THRAP3: variants seen among roughly 807,000 people sequenced by gnomAD.
THRAP3 encodes the protein thyroid hormone receptor-associated protein 3.
In THRAP3, 16 loss-of-function variants were observed where a neutral mutation model predicts 101.0. The ratio of observed to expected loss-of-function variants is 0.16; its 90% confidence interval spans 0.11 to 0.24. The LOEUF is 0.24. Among genes scored for constraint, THRAP3 ranks in the 10% least tolerant of loss-of-function variants. THRAP3 has a pLI of 1.00. For synonymous variants in THRAP3, 407 were observed against 422.6 expected, an observed-to-expected ratio of 0.96 and a Z score of 0.45; for missense variants, 989 against 1,202.7, an observed-to-expected ratio of 0.82 and a Z score of 2.63.
At chr1:36,291,998 A>T (rs1474350756) in intron 6 of THRAP3, among the ~76,000 whole-genome samples, 1 of 152,108 alleles carries the variant, frequency 6.6e-6, no homozygotes. Context: ...TGCAGGTTCC[A>T]TCTGAATATA....
chr1:36,256,736 C>T (rs1364661698), intron 1 of THRAP3, among the ~76,000 whole-genome samples: 4 of 152,178 alleles, frequency 2.6e-5, no homozygotes, highest in Non-Finnish European at 5.9e-5. Context: ...AGGCCCTGTC[C>T]ATTCAGCTGT....
Position 36,296,348 on chromosome 1 carries a change from A to G in THRAP3, c.2116-235A>G, listed in dbSNP as rs1056019450. 3.9e-5 allele frequency among the ~76,000 whole-genome samples: 6 copies of G among 152,280 alleles called. No homozygotes were observed. The South Asian group carries it at 1.0e-3, about 26-fold the overall frequency. On this transcript the variant is annotated intron_variant, in intron 8 of 11. Transcript: ENST00000354618. ...AAACAAAGTGAGATCAATGCATAGC[A>G]TTTTCAGAAGGCCAGCATCATTGTT...
At chr1:36,292,425 C>A (rs1260513236) in intron 6 of THRAP3, among the ~76,000 whole-genome samples, 173 bp from the exon 7 acceptor site, 1 of 151,476 alleles carries the variant, frequency 6.6e-6, no homozygotes, top group East Asian at 1.9e-4. Context: ...GCGCCCGCCA[C>A]CATGCCCACT....
intron 1 of THRAP3, among the ~76,000 whole-genome samples, chr1:36,251,851 C>T (rs1431880333): frequency 1.3e-5 from 2 of 152,134 alleles, no homozygotes; most frequent in Non-Finnish European, 2.9e-5. Flanking sequence ...AGATAAGGGA[C>T]CACAGATAGT....
chr1:36,281,636 G>A (rs1645732859), intron 2 of THRAP3, among the ~76,000 whole-genome samples: 1 of 145,038 alleles, frequency 6.9e-6, no homozygotes, highest in African/African-American at 2.6e-5. Context: ...TTAAACAGTT[G>A]TTTTTTTTGT....
At chr1:36,278,308 T>G (rs1011136409) in intron 2 of THRAP3, among the ~76,000 whole-genome samples, 18 of 152,060 alleles carry the variant, frequency 1.2e-4, no homozygotes, top group Non-Finnish European at 2.4e-4. Context: ...CCAGGTGATG[T>G]GCCTGCCTCG....
chr1:36,251,151 C>T (rs994486047), intron 1 of THRAP3, among the ~76,000 whole-genome samples: 6 of 152,124 alleles, frequency 3.9e-5, no homozygotes, highest in Non-Finnish European at 5.9e-5. Context: ...GATACCTGCC[C>T]TCAAGGAGTA....
intron 1 of THRAP3, among the ~76,000 whole-genome samples, chr1:36,255,025 G>A (rs1645354613): frequency 6.6e-6 from 1 of 152,092 alleles, no homozygotes; most frequent in Admixed American, 6.5e-5. Context: ...AGCAGACATT[G>A]CACAGTTTTC....
In THRAP3 at chr1:36,304,445, CCTT is replaced by C. The variant is rs1233780588; in HGVS notation, c.*429_*431del. On this transcript the variant is annotated 3_prime_UTR_variant, in exon 12 of 12. Transcript: ENST00000354618. ...CCTGTCCTGATTTTAAAAGCCCCCT[CCTT>C]TTTTTTTTTTTTTTTCTTTTTTTAG... 5 of 222,428 alleles carry C rather than the reference CCTT, an allele frequency of 2.2e-5. No homozygotes were observed. The highest frequency in any genetic ancestry group is 1.3e-3 in the Middle Eastern group (1 of 770). The allele number at this position is 222,428 out of a possible 1,614,324, so 13.8% of individuals were successfully genotyped here. A position where few individuals can be genotyped will look rare whatever the true frequency, so the allele number is the denominator to read the frequency against.
chr1:36,261,413 G>C (rs6689979), intron 2 of THRAP3, among the ~76,000 whole-genome samples: 121,423 of 152,058 alleles, frequency 0.8, 50,051 homozygotes, highest in East Asian at 0.94. Flanking sequence ...GGCGCCTGTA[G>C]TCCCAGCTAC....
upstream of THRAP3, among the ~76,000 whole-genome samples, chr1:36,220,975 ATAT>A (rs1557797706): frequency 1.1e-3 from 109 of 99,294 alleles, 2 homozygotes; most frequent in African/African-American, 3.6e-3. Context: ...AAAAAAAAAT[ATAT>A]ATATATATAT....
chr1:36,286,344 T>C lies in THRAP3; in HGVS notation c.138-24T>C. The C allele has an allele frequency of 6.5e-7, 1 of 1,540,016 alleles. No homozygotes were observed. Among genetic ancestry groups the C allele is most frequent in the Non-Finnish European group, 8.7e-7 (1 of 1,145,664 alleles). ...ATGCTTGTGTCAAAAATTCAAACAT[T>C]TGTCTCTTTCCTTTCCATTCCAGTT... On this transcript the variant is annotated intron_variant, in intron 3 of 11. Coordinates refer to ENST00000354618, the MANE Select transcript of THRAP3 (RefSeq NM_005119.4). This position sits in a 1 kb window ranked among gnomAD's most constrained non-coding sequence, Gnocchi z 5.5.
intron 3 of THRAP3, among the ~76,000 whole-genome samples, chr1:36,285,686 A>G (rs954279586): frequency 1.3e-5 from 2 of 152,240 alleles, no homozygotes; most frequent in African/African-American, 4.8e-5. Context: ...AGCCACAGAA[A>G]TATGACCTAA....
At position 36,250,707 on chromosome 1, in the gene THRAP3, T is replaced by C. The variant is rs534061002; in HGVS notation, c.-134-8675T>C. Among the ~76,000 whole-genome samples, 3 of 148,982 alleles carry C rather than the reference T, an allele frequency of 2.0e-5. No homozygotes were observed. The South Asian group carries it at 6.6e-4, about 33-fold the overall frequency. Reference sequence around the variant, plus strand: ...CGGGCGGATCACTTGAGGGCGGGAGTTCGAGACCAGCCTGGCCAACATGGC... The same window carrying C: ...CGGGCGGATCACTTGAGGGCGGGAGCTCGAGACCAGCCTGGCCAACATGGC... On this transcript the variant is annotated intron_variant, in intron 1 of 11. Coordinates refer to ENST00000354618, the MANE Select transcript of THRAP3 (RefSeq NM_005119.4).
chr1:36,278,057 C>T (rs1487286393), intron 2 of THRAP3, among the ~76,000 whole-genome samples: 1 of 109,730 alleles, frequency 9.1e-6, no homozygotes, highest in South Asian at 2.9e-4. Flanking sequence ...GTGAGCCCAG[C>T]CCCCCTTTTT....
Position 36,243,151 on chromosome 1 carries a change from CTTTTTTTTT to C in THRAP3, c.-134-16217_-134-16209del, listed in dbSNP as rs58340320. Among the ~76,000 whole-genome samples, 43 of 60,870 alleles carry C rather than the reference CTTTTTTTTT, an allele frequency of 7.1e-4. No homozygotes were observed. The East Asian group carries it at 0.016, about 23-fold the overall frequency. 39.9% of individuals were successfully genotyped at this position (60,870 alleles called of 152,430 possible). A position where few individuals can be genotyped will look rare whatever the true frequency, so the allele number is the denominator to read the frequency against. On this transcript the variant is annotated intron_variant, in intron 1 of 11. Transcript: ENST00000354618. The stretch of plus-strand genomic sequence containing the variant: ...TAAGATGCATTTTGTGAGGAACTTT[CTTTTTTTTT>C]TTTTTTTTTTTTTGCTCTGAGCCCA...
In THRAP3 at chr1:36,287,211, A is replaced by ATAT; in HGVS notation, c.982_984dup (p.Tyr328dup). 1 of 1,614,138 alleles carries ATAT rather than the reference A, an allele frequency of 6.2e-7. No homozygotes were observed. The highest frequency in any genetic ancestry group is 8.5e-7 in the Non-Finnish European group (1 of 1,180,010). The stretch of plus-strand genomic sequence containing the variant: ...AGAGTCCACCATCCACTGGCTCCAC[A>ATAT]TATGGCTCATCTCAGAAGGAGGAGA... On this transcript the variant is annotated inframe_insertion, in exon 4 of 12. Transcript: ENST00000354618.
intron 2 of THRAP3, among the ~76,000 whole-genome samples, chr1:36,266,850 ATATTTATTTATT>A (rs71796650): frequency 0.017 from 2,472 of 144,298 alleles, 75 homozygotes; most frequent in African/African-American, 0.055. Flanking sequence ...TATAATACGA[ATATTTATTTATT>A]TATTTATTTA....
At chr1:36,262,909 C>T (rs1645464862) in intron 2 of THRAP3, among the ~76,000 whole-genome samples, 1 of 149,668 alleles carries the variant, frequency 6.7e-6, no homozygotes, top group South Asian at 2.1e-4. Flanking sequence ...TCTCCTGCCT[C>T]AGCCTGCCAA....
Sources: gnomAD v4.1 joint callset for allele counts (sites outside exome capture counted in the v4.1 genomes callset) on GRCh38, gnomAD v4.1.1 for gene constraint, Gnocchi (gnomAD v3.1) non-coding constraint, MANE v1.5 for transcripts, NCBI Gene and HGNC (gene_info 2026-07-23, HGNC 2026-07-21) for gene names.